Variants in CTTNBP2NL observed in about 807,000 individuals in gnomAD.
The protein encoded by CTTNBP2NL is CTTNBP2 N-terminal like, also known as CTTNBP2 N-terminal-like protein.
CTTNBP2NL carries 16 observed loss-of-function variants against 32.5 expected under a neutral mutation model. That is an observed-to-expected ratio of 0.49 (90% CI 0.33 to 0.75). CTTNBP2NL has a LOEUF of 0.75. CTTNBP2NL is among the 30% of genes least tolerant of loss of function. The pLI is 0.02. For missense variants in CTTNBP2NL, 645 were observed against 756.0 expected (o/e 0.85, Z 1.72); for synonymous variants, 298 against 289.4 (o/e 1.03, Z -0.30).
chr1:112,428,446 A>G (rs1318227126), intron 3 of CTTNBP2NL, among the ~76,000 whole-genome samples: 1 of 152,176 alleles, frequency 6.6e-6, no homozygotes, highest in Non-Finnish European at 1.5e-5. Context: ...TATTAAGTTA[A>G]TATTATTTCT....
rs869134559 is a variant in CTTNBP2NL at position 112,407,840 on chromosome 1, C to CTTTTTTTTTTTTT, written c.-133-4344_-133-4332dup. ...ACAAAAACGGCTTTCTTTTTTCTTT[C>CTTTTTTTTTTTTT]TTTTTTTTTTTTTTTTTTTTTTGAG... On this transcript the variant is annotated intron_variant, in intron 1 of 5. Transcript: ENST00000271277. Among the ~76,000 whole-genome samples, 30 of 96,072 alleles carry CTTTTTTTTTTTTT rather than the reference C, an allele frequency of 3.1e-4. 2 individuals carry two copies. The highest frequency in any genetic ancestry group is 7.1e-4 in the South Asian group (2 of 2,816). 63.0% of individuals were successfully genotyped at this position (96,072 alleles called of 152,430 possible). A position where few individuals can be genotyped will look rare whatever the true frequency, so the allele number is the denominator to read the frequency against.
At chr1:112,394,886 G>A (rs1648271426), upstream of CTTNBP2NL, among the ~76,000 whole-genome samples, 1 of 152,010 alleles carries the variant, frequency 6.6e-6, no homozygotes, top group Non-Finnish European at 1.5e-5. Context: ...TCTGTAAATT[G>A]GACACAATGA....
chr1:112,430,548 T>A (rs954612458), intron 3 of CTTNBP2NL, among the ~76,000 whole-genome samples: 1 of 754 alleles, frequency 1.3e-3, no homozygotes, highest in African/African-American at 6.9e-3. Flanking sequence ...ATAGCTAGCT[T>A]TTTTTTTTTT....
intron 3 of CTTNBP2NL, among the ~76,000 whole-genome samples, chr1:112,421,638 G>A (rs1455713541): frequency 2.0e-5 from 3 of 150,688 alleles, no homozygotes; most frequent in South Asian, 4.2e-4. Flanking sequence ...AAAAGGAGAA[G>A]AAGAAAGAAA....
chr1:112,413,594 T>A (rs1243722260), intron 2 of CTTNBP2NL, among the ~76,000 whole-genome samples: 1 of 152,192 alleles, frequency 6.6e-6, no homozygotes, highest in Non-Finnish European at 1.5e-5. Context: ...TACATGTTCT[T>A]TCCAATATAA....
intron 3 of CTTNBP2NL, among the ~76,000 whole-genome samples, chr1:112,438,305 G>A (rs1015981091): frequency 6.6e-6 from 1 of 152,122 alleles, no homozygotes; most frequent in African/African-American, 2.4e-5. Context: ...TATGTGTGGC[G>A]ACTGTGAATG....
At position 112,457,135 on chromosome 1, in the gene CTTNBP2NL, AT is replaced by A; in HGVS notation, c.1645del (p.Ser549HisfsTer11). On this transcript the variant is annotated frameshift_variant, in exon 6 of 6. Coordinates refer to ENST00000271277, the MANE Select transcript of CTTNBP2NL (RefSeq NM_018704.3). LOFTEE classifies it high-confidence loss of function. ...NTANPRGDTS[H>X]SPTPGKVSSP... is the part of the protein sequence containing the mutation. ...GCCAATCCAAGAGGTGACACAAGCC[AT>A]TCACCTACTCCAGGGAAAGTGTCCA... is the stretch of plus-strand genomic sequence containing the variant. The A allele has an allele frequency of 6.8e-6, 11 of 1,614,118 alleles. No individual in the cohort carries two copies. Among genetic ancestry groups the A allele is most frequent in the Non-Finnish European group, 9.3e-6 (11 of 1,180,028 alleles).
chr1:112,401,628 G>A (rs923049539), intron 1 of CTTNBP2NL, among the ~76,000 whole-genome samples: 3 of 152,222 alleles, frequency 2.0e-5, no homozygotes, highest in South Asian at 2.1e-4. Flanking sequence ...AGTAAGGAGC[G>A]ATGATAGGAA....
chr1:112,429,097 A>G (rs1320322432), intron 3 of CTTNBP2NL, among the ~76,000 whole-genome samples: 2 of 152,182 alleles, frequency 1.3e-5, no homozygotes, highest in Non-Finnish European at 2.9e-5. Flanking sequence ...GAGTGTTTCT[A>G]TGTGTGATAT....
chr1:112,433,518 G>A (rs190884746), intron 3 of CTTNBP2NL, among the ~76,000 whole-genome samples: 9 of 152,252 alleles, frequency 5.9e-5, no homozygotes, highest in African/African-American at 2.2e-4. Flanking sequence ...CTTAAACCCG[G>A]GAGGCACAGG....
intron 4 of CTTNBP2NL, 46 bp from the exon 5 acceptor site, chr1:112,454,403 G>A (rs775901104): frequency 1.1e-5 from 16 of 1,405,736 alleles, no homozygotes; most frequent in Non-Finnish European, 1.4e-5. Flanking sequence ...ATTAATAAAT[G>A]TGACTCCTTG....
At chr1:112,401,022 A>G (rs1024680075) in intron 1 of CTTNBP2NL, among the ~76,000 whole-genome samples, 2 of 151,818 alleles carry the variant, frequency 1.3e-5, no homozygotes, top group South Asian at 2.1e-4. Context: ...ATACACGTGC[A>G]CATATCACAA....
chr1:112,400,966 C>CAAAAAAAAA (rs56784970), intron 1 of CTTNBP2NL, among the ~76,000 whole-genome samples: 1 of 102,872 alleles, frequency 9.7e-6, no homozygotes. Context: ...ACTCTGTCAC[C>CAAAAAAAAA]AAAAAAAAAA....
At chr1:112,449,269 A>G in intron 4 of CTTNBP2NL, 97 bp downstream of exon 4, 1 of 677,296 alleles carries the variant, frequency 1.5e-6, no homozygotes, top group East Asian at 2.7e-5. Context: ...CAGTAATTCA[A>G]TTGGGACATC....
At chr1:112,417,158 G>A (rs1045336156) in intron 3 of CTTNBP2NL, among the ~76,000 whole-genome samples, 4 of 152,034 alleles carry the variant, frequency 2.6e-5, no homozygotes, top group African/African-American at 2.4e-5. Flanking sequence ...TAGTTTTACC[G>A]AGATAACCTG....
intron 3 of CTTNBP2NL, among the ~76,000 whole-genome samples, chr1:112,447,346 TTC>T (rs1650081638): frequency 1.3e-5 from 2 of 150,740 alleles, no homozygotes; most frequent in South Asian, 4.2e-4. Context: ...CCACTTTTAA[TTC>T]ACACACACAC....
intron 4 of CTTNBP2NL, 87 bp downstream of exon 4, chr1:112,449,259 C>A: frequency 1.4e-6 from 1 of 729,810 alleles, no homozygotes; most frequent in Non-Finnish European, 2.3e-6. Flanking sequence ...CAGTTTTTCA[C>A]AGTAATTCAA....
chr1:112,415,628 C>G (rs989075812), intron 2 of CTTNBP2NL, among the ~76,000 whole-genome samples: 1 of 151,664 alleles, frequency 6.6e-6, no homozygotes. Flanking sequence ...GTGGTCTCGG[C>G]TCACTGCAAT....
intron 1 of CTTNBP2NL, among the ~76,000 whole-genome samples, chr1:112,410,542 A>T (rs995658440): frequency 6.6e-6 from 1 of 152,222 alleles, no homozygotes; most frequent in African/African-American, 2.4e-5. Flanking sequence ...AAAGCTTAAT[A>T]TAGCTATAGC....
Sources: allele counts gnomAD v4.1 joint callset (sites outside exome capture counted in the v4.1 genomes callset), GRCh38; gene constraint gnomAD v4.1.1; transcripts MANE v1.5; gene names NCBI Gene and HGNC (gene_info 2026-07-23, HGNC 2026-07-21).